REV3L: variants seen among roughly 807,000 people sequenced by gnomAD.
REV3L encodes REV3 like, DNA directed polymerase zeta catalytic subunit, also known as DNA polymerase zeta catalytic subunit.
In REV3L, 69 loss-of-function variants were observed where a neutral mutation model predicts 299.4. That is an observed-to-expected ratio of 0.23 (90% CI 0.19 to 0.28). The LOEUF (loss-of-function observed/expected upper bound fraction) is 0.28, where lower values mean the gene tolerates loss of function less well. REV3L is among the 10% of genes least tolerant of loss of function. The pLI is 1.00. For synonymous variants in REV3L, 1,238 were observed against 1,271.4 expected (o/e 0.97, Z 0.56); for missense variants, 3,128 against 3,693.8 (o/e 0.85, Z 3.97).
chr6:111,459,321 C>CA (rs1385301378), intron 1 of REV3L, among the ~76,000 whole-genome samples: 1 of 151,906 alleles, frequency 6.6e-6, no homozygotes, highest in Non-Finnish European at 1.5e-5. Context: ...CCTAAAACTA[C>CA]AAAAATCCTA....
intron 21 of REV3L, among the ~76,000 whole-genome samples, chr6:111,335,939 TC>T (rs1775851723): frequency 6.6e-6 from 1 of 152,026 alleles, no homozygotes; most frequent in Non-Finnish European, 1.5e-5. Context: ...ATTAACATTC[TC>T]CTTTAAGATA....
chr6:111,480,921 TTAAAAAA>T (rs1793557960), intron 1 of REV3L, among the ~76,000 whole-genome samples: 1 of 151,770 alleles, frequency 6.6e-6, no homozygotes, highest in African/African-American at 2.4e-5. Context: ...AATGTGTCTT[TTAAAAAA>T]TATTCAGGAA....
intron 28 of REV3L, chr6:111,312,367 A>C (rs1248938729): frequency 2.0e-5 from 3 of 152,226 alleles, no homozygotes; most frequent in Non-Finnish European, 4.4e-5. Context: ...ATAGAATGCT[A>C]TTCCCATTTA....
At chr6:111,399,016 C>T (rs150674104) in intron 4 of REV3L, among the ~76,000 whole-genome samples, 194 of 152,116 alleles carry the variant, frequency 1.3e-3, no homozygotes, top group African/African-American at 4.4e-3. Flanking sequence ...TAAACACTTC[C>T]GATATTCTGA....
At chr6:111,476,524 T>C (rs1792961921) in intron 1 of REV3L, among the ~76,000 whole-genome samples, 1 of 152,128 alleles carries the variant, frequency 6.6e-6, no homozygotes, top group Admixed American at 6.6e-5. Flanking sequence ...TGGCATCATG[T>C]TGGTGTTCAA....
At chr6:111,471,249 CT>C (rs879939727) in intron 1 of REV3L, among the ~76,000 whole-genome samples, 98 of 145,766 alleles carry the variant, frequency 6.7e-4, no homozygotes, top group Admixed American at 1.6e-3. Context: ...GTTCTATCAC[CT>C]TTTTTTTTTT....
chr6:111,462,236 A>T (rs1790859604), intron 1 of REV3L, among the ~76,000 whole-genome samples: 1 of 152,100 alleles, frequency 6.6e-6, no homozygotes, highest in Non-Finnish European at 1.5e-5. Context: ...TGGAAATCTC[A>T]TGTCTATTGC....
chr6:111,376,622 T>G lies in REV3L; in HGVS notation c.1733A>C (p.Gln578Pro). 1 of 1,613,320 alleles carries G rather than the reference T, an allele frequency of 6.2e-7. No homozygotes were observed. Among genetic ancestry groups the G allele is most frequent in the Non-Finnish European group, 8.5e-7 (1 of 1,179,880 alleles). ...AGAAAGGGCACTTGTGTGTTTACACTGAAAGGTAATCTTAGCAGAAGATGA... is the reference window on the plus strand; with the variant it reads ...AGAAAGGGCACTTGTGTGTTTACACGGAAAGGTAATCTTAGCAGAAGATGA... ...EPSSSAKITF[Q>P]CKHTSALSSH... Residue 578 changes from glutamine (Q) to proline (P), a missense_variant, in exon 13 of 32, where the codon CAG (glutamine) becomes CCG (proline). By Grantham distance (76) the Gln-to-Pro change is moderately conservative. Transcript: ENST00000368802.
At chr6:111,337,757 A>G (rs1776061250) in intron 21 of REV3L, among the ~76,000 whole-genome samples, 1 of 152,180 alleles carries the variant, frequency 6.6e-6, no homozygotes, top group Admixed American at 6.5e-5. Context: ...CATTAATGTA[A>G]CCCCTCAACA....
Position 111,329,658 on chromosome 6 carries a change from C to G in REV3L, c.8115G>C (p.Lys2705Asn). 6.2e-7 allele frequency: 1 copy of G among 1,614,042 alleles called. No individual in the cohort carries two copies. The stretch of plus-strand genomic sequence containing the variant: ...ACAGGGCTCTGTCTTGCTTGTAAGC[C>G]TTCATTGACTGCTTCACCATAAATC... ...KTRFMVKQSM[K>N]AYKQDRALSR... is the part of the protein sequence containing the mutation. Residue 2705 changes from lysine (K) to asparagine (N), a missense_variant, in exon 25 of 32, where the codon AAG becomes AAC. Transcript: ENST00000368802.
intron 2 of REV3L, chr6:111,412,192 T>G: frequency 1.0e-6 from 1 of 985,340 alleles, no homozygotes; most frequent in Non-Finnish European, 1.2e-6. Flanking sequence ...AAGTGCATCC[T>G]GTGAAAAAAC....
At chr6:111,479,040 G>C (rs1396212127) in intron 1 of REV3L, among the ~76,000 whole-genome samples, 1 of 152,202 alleles carries the variant, frequency 6.6e-6, no homozygotes, top group African/African-American at 2.4e-5. Flanking sequence ...AACTCAGCAT[G>C]AAGTGAGTTA....
intron 4 of REV3L, among the ~76,000 whole-genome samples, chr6:111,399,898 CT>C (rs1054752033): frequency 6.6e-6 from 1 of 152,186 alleles, no homozygotes; most frequent in Non-Finnish European, 1.5e-5. Context: ...AAAAGTTCCC[CT>C]GTACATCCCC....
chr6:111,454,035 CCTTA>C (rs1296864918), intron 1 of REV3L, among the ~76,000 whole-genome samples: 8 of 151,800 alleles, frequency 5.3e-5, no homozygotes, highest in Admixed American at 1.3e-4. Context: ...ATGTTTCCTC[CCTTA>C]CTTTATAGAT....
At chr6:111,327,095 A>G (rs1158899241) in intron 25 of REV3L, among the ~76,000 whole-genome samples, 1 of 152,238 alleles carries the variant, frequency 6.6e-6, no homozygotes, top group Non-Finnish European at 1.5e-5. Flanking sequence ...GTGAAACCCT[A>G]TTCCTAAACT....
chr6:111,445,054 C>T (rs17510499), intron 1 of REV3L, among the ~76,000 whole-genome samples: 4,223 of 152,236 alleles, frequency 0.028, 78 homozygotes, highest in Admixed American at 0.068. Flanking sequence ...GATAATAAGA[C>T]GGCAACAGGA....
chr6:111,311,032 C>T (rs767466039), intron 29 of REV3L, 37 bp downstream of exon 29: 20 of 1,535,742 alleles, frequency 1.3e-5, no homozygotes, highest in Non-Finnish European at 1.8e-5. Context: ...TGCAGAATCT[C>T]AGGACTATCC....
Position 111,374,183 on chromosome 6 carries a change from C to A in REV3L, c.4172G>T (p.Arg1391Ile), listed in dbSNP as rs751492800. The change falls in exon 13 of 32, where the codon AGA becomes ATA. Residue 1391 changes from arginine to isoleucine, a missense_variant. Physicochemically the swap from Arg to Ile is moderately conservative, Grantham distance 97. Around this residue, in one of 9 missense-constraint regions of REV3L, gnomAD observed 2,409 missense variants for 2,611.8 expected, o/e 0.92. Coordinates refer to ENST00000368802, the MANE Select transcript of REV3L (RefSeq NM_001372078.1). The part of the protein sequence containing the change: ...KIEDNANNIQ[R>I]NYLSSIGKLS... Reference sequence around the variant, plus strand: ...CTTTCCGATTGATGACAAATAGTTTCTTTGTATATTATTTGCATTATCTTC... The same window carrying A: ...CTTTCCGATTGATGACAAATAGTTTATTTGTATATTATTTGCATTATCTTC... 10 of 1,613,894 alleles carry A rather than the reference C, an allele frequency of 6.2e-6. No homozygotes were observed. The highest frequency in any genetic ancestry group is 8.5e-6 in the Non-Finnish European group (10 of 1,179,844).
intron 4 of REV3L, among the ~76,000 whole-genome samples, chr6:111,402,935 T>C (rs1273241609): frequency 1.3e-5 from 2 of 152,206 alleles, no homozygotes; most frequent in Non-Finnish European, 2.9e-5. Context: ...AATGAAAATA[T>C]ATAGCTACAC....
Sources: allele counts gnomAD v4.1 joint callset (sites outside exome capture counted in the v4.1 genomes callset), GRCh38; gene constraint gnomAD v4.1.1; regional missense constraint gnomAD v4.1.1; transcripts MANE v1.5; gene names NCBI Gene and HGNC (gene_info 2026-07-23, HGNC 2026-07-21).